The following TAF4B variants were observed in gnomAD, a reference collection of about 807,000 sequenced individuals.
TAF4B encodes the protein transcription initiation factor TFIID subunit 4B.
Under a neutral mutation model 86.4 loss-of-function variants are expected in TAF4B, and 38 were observed. The observed-to-expected ratio is 0.44, with a 90% CI of 0.34 to 0.58. The LOEUF (loss-of-function observed/expected upper bound fraction) is 0.58, where lower values mean the gene tolerates loss of function less well. Ranked by LOEUF, TAF4B falls within the 20% of genes least tolerant of loss-of-function variation. TAF4B has a pLI of 0.02. For missense variants in TAF4B, 988 were observed against 1,027.6 expected (o/e 0.96, Z 0.53); for synonymous variants, 388 against 391.2 (o/e 0.99, Z 0.10).
At chr18:26,372,252 C>G (rs187585176) in intron 14 of TAF4B, among the ~76,000 whole-genome samples, 2 of 152,292 alleles carry the variant, frequency 1.3e-5, no homozygotes, top group Admixed American at 1.3e-4. Flanking sequence ...AATTGCAGAG[C>G]CACCATAAAG....
intron 1 of TAF4B, among the ~76,000 whole-genome samples, chr18:26,243,478 C>T (rs866349347): frequency 2.8e-4 from 43 of 152,154 alleles, no homozygotes; most frequent in Admixed American, 2.2e-3. Context: ...GTTAGTCATT[C>T]GTCTAATCTT....
At chr18:26,255,978 T>C in intron 1 of TAF4B, 1 of 1,318,084 alleles carries the variant, frequency 7.6e-7, no homozygotes, top group Non-Finnish European at 1.1e-6. Flanking sequence ...TGGGAGGCAC[T>C]GGAGGTGGTA....
chr18:26,294,603 G>A (rs988697164), intron 9 of TAF4B, among the ~76,000 whole-genome samples: 1 of 147,540 alleles, frequency 6.8e-6, no homozygotes, highest in Non-Finnish European at 1.5e-5. Context: ...ATTTTTATAT[G>A]TACAAATATA....
intron 7 of TAF4B, among the ~76,000 whole-genome samples, chr18:26,290,550 G>A (rs532286959): frequency 6.6e-6 from 1 of 152,156 alleles, no homozygotes; most frequent in Admixed American, 6.5e-5. Context: ...TATTTTTTGT[G>A]TACTGTTGCT....
rs1567914259 is a variant in TAF4B at position 26,346,889 on chromosome 18, ATATATATATATG to A, written c.2317-10799_2317-10788del. 6.5e-4 allele frequency among the ~76,000 whole-genome samples: 10 copies of A among 15,312 alleles called. 1 individual carries two copies. Among genetic ancestry groups the A allele is most frequent in the African/African-American group, 1.4e-3 (9 of 6,216 alleles). 10.0% of individuals were successfully genotyped at this position (15,312 alleles called of 152,430 possible). ...TATATATATATGTGTATATATATAT[ATATATATATATG>A]TGTGTGTATATATATATATATAGTT... is the stretch of plus-strand genomic sequence containing the variant. On this transcript the variant is annotated intron_variant, in intron 13 of 14. Transcript: ENST00000269142.
chr18:26,269,467 A>AAGAC (rs1285000027), intron 3 of TAF4B, among the ~76,000 whole-genome samples: 4 of 152,124 alleles, frequency 2.6e-5, no homozygotes, highest in African/African-American at 9.7e-5. Flanking sequence ...TTTCCGAGTC[A>AAGAC]AGACATATGT....
At chr18:26,344,667 A>T (rs1401272291) in intron 13 of TAF4B, among the ~76,000 whole-genome samples, 1 of 152,254 alleles carries the variant, frequency 6.6e-6, no homozygotes, top group African/African-American at 2.4e-5. Context: ...TTTGAATTAA[A>T]GTATGTTTAA....
chr18:26,297,664 G>A (rs930731333), intron 9 of TAF4B, among the ~76,000 whole-genome samples: 2 of 142,530 alleles, frequency 1.4e-5, no homozygotes, highest in African/African-American at 4.9e-5. Flanking sequence ...TGTATCAGTA[G>A]TTGCATTTTT....
In TAF4B at chr18:26,274,771, G is replaced by A. The variant is rs1410753680; in HGVS notation, c.706G>A (p.Glu236Lys). 6.2e-7 allele frequency: 1 copy of A among 1,614,146 alleles called. No homozygotes were observed. Among genetic ancestry groups the A allele is most frequent in the Non-Finnish European group, 8.5e-7 (1 of 1,180,026 alleles). ...SLGASSTPSN[E>K]PNLKAENSAA... ...GGGAGCATCATCCACTCCTTCAAATGAGCCCAATCTTAAAGCAGAGAACTC... is the reference window on the plus strand; with the variant it reads ...GGGAGCATCATCCACTCCTTCAAATAAGCCCAATCTTAAAGCAGAGAACTC... Residue 236 changes from glutamate to lysine, a missense_variant, in exon 4 of 15, where the codon GAG becomes AAG. Glu to Lys is a moderately conservative substitution (Grantham distance 56, BLOSUM62 1). Coordinates refer to ENST00000269142, the MANE Select transcript of TAF4B (RefSeq NM_005640.3).
At chr18:26,304,964 A>G in intron 9 of TAF4B, 2 of 780,728 alleles carry the variant, frequency 2.6e-6, no homozygotes, top group African/African-American at 1.9e-5. Context: ...TATGCTGGAC[A>G]GTAGTAATTC....
At chr18:26,332,769 T>C (rs1328469186) in intron 12 of TAF4B, among the ~76,000 whole-genome samples, 1 of 152,124 alleles carries the variant, frequency 6.6e-6, no homozygotes, top group Non-Finnish European at 1.5e-5. Context: ...TGACCTTTGG[T>C]GATCCACCCA....
At chr18:26,377,665 T>C (rs1402468456) in intron 14 of TAF4B, among the ~76,000 whole-genome samples, 1 of 152,206 alleles carries the variant, frequency 6.6e-6, no homozygotes, top group African/African-American at 2.4e-5. Flanking sequence ...CCCAGGCGTT[T>C]TGTTGTTGTT....
chr18:26,259,136 C>T (rs1397283316), intron 1 of TAF4B, among the ~76,000 whole-genome samples: 2 of 151,272 alleles, frequency 1.3e-5, no homozygotes, highest in African/African-American at 4.9e-5. Context: ...TTATTTTCCT[C>T]CAAATTTGGG....
chr18:26,237,733 A>C (rs2055771001), intron 1 of TAF4B, among the ~76,000 whole-genome samples: 1 of 152,114 alleles, frequency 6.6e-6, no homozygotes, highest in South Asian at 2.1e-4. Flanking sequence ...AAAAGGTCAA[A>C]CTGCAGGATA....
At chr18:26,351,812 C>G (rs1046921443) in intron 13 of TAF4B, among the ~76,000 whole-genome samples, 1 of 151,948 alleles carries the variant, frequency 6.6e-6, no homozygotes, top group East Asian at 1.9e-4. Flanking sequence ...TTGAGATTTA[C>G]CATATGCATG....
chr18:26,356,465 C>G (rs1249143232), intron 13 of TAF4B, among the ~76,000 whole-genome samples: 16 of 152,152 alleles, frequency 1.1e-4, no homozygotes, highest in Admixed American at 1.0e-3. Context: ...CTTGGTATAT[C>G]CTTAAGACTG....
chr18:26,272,421 C>T (rs974799657), intron 3 of TAF4B, among the ~76,000 whole-genome samples: 1 of 152,008 alleles, frequency 6.6e-6, no homozygotes, highest in Non-Finnish European at 1.5e-5. Context: ...GTTGGGGACC[C>T]CTGTGGTAAG....
chr18:26,241,069 G>T (rs2055831305), intron 1 of TAF4B, among the ~76,000 whole-genome samples: 1 of 152,142 alleles, frequency 6.6e-6, no homozygotes, highest in Admixed American at 6.5e-5. Context: ...TCTCTGCCAG[G>T]CTTTGGTATC....
intron 14 of TAF4B, among the ~76,000 whole-genome samples, chr18:26,367,179 A>G (rs1172967884): frequency 6.6e-6 from 1 of 152,260 alleles, no homozygotes; most frequent in Non-Finnish European, 1.5e-5. Flanking sequence ...ATGTATGTAC[A>G]GGGATATTAA....
Sources: gnomAD v4.1 joint callset for allele counts (sites outside exome capture counted in the v4.1 genomes callset) on GRCh38, gnomAD v4.1.1 for gene constraint, MANE v1.5 for transcripts, NCBI Gene and HGNC (gene_info 2026-07-23, HGNC 2026-07-21) for gene names.